The following EFEMP1 variants were observed in gnomAD, a reference collection of about 807,000 sequenced individuals.
EFEMP1 encodes the protein EGF-containing fibulin-like extracellular matrix protein 1.
EFEMP1 carries 18 observed loss-of-function variants against 65.7 expected under a neutral mutation model. The observed-to-expected ratio is 0.27, with a 90% CI of 0.19 to 0.41. The LOEUF (loss-of-function observed/expected upper bound fraction) is 0.41. EFEMP1 is among the 10% of genes least tolerant of loss of function. EFEMP1 has a pLI of 1.00. For synonymous variants in EFEMP1, 237 were observed against 219.7 expected (o/e 1.08, Z -0.70); for missense variants, 469 against 624.8 (o/e 0.75, Z 2.66).
Position 55,871,832 on chromosome 2 carries a change from T to G in EFEMP1, c.1001-709A>C, listed in dbSNP as rs1409687220. Reference sequence around the variant, plus strand: ...AAGTGAAACTATGAAGTGTTCCACCTCATAGAGCATAGCAATTTTAGGACT... The same window carrying G: ...AAGTGAAACTATGAAGTGTTCCACCGCATAGAGCATAGCAATTTTAGGACT... On this transcript the variant is annotated intron_variant, in intron 9 of 11. Transcript: ENST00000355426. The surrounding 1 kb of genome is among the most constrained non-coding windows in gnomAD (Gnocchi z 4.2). Among the ~76,000 whole-genome samples, 1 of 151,986 alleles carries G rather than the reference T, an allele frequency of 6.6e-6. No homozygotes were observed. The highest frequency in any genetic ancestry group is 1.5e-5 in the Non-Finnish European group (1 of 67,990).
chr2:55,889,719 T>A (rs1669560315), intron 5 of EFEMP1, among the ~76,000 whole-genome samples: 1 of 151,910 alleles, frequency 6.6e-6, no homozygotes, highest in Non-Finnish European at 1.5e-5. Flanking sequence ...TATTTTAAGG[T>A]CCTTGAATCA....
chr2:55,923,728 G>C lies in EFEMP1; in HGVS notation c.-66C>G. The C allele has an allele frequency of 2.0e-6, 2 of 985,730 alleles. No individual in the cohort carries two copies. The highest frequency in any genetic ancestry group is 2.4e-6 in the Non-Finnish European group (2 of 830,224). 61.1% of individuals were successfully genotyped at this position (985,730 alleles called of 1,614,324 possible). ...GCTCCTACCTGTGCGGCCGCGCTGCGCTCCGGGCCCGGGCAGCGAGGGGAG... is the reference window on the plus strand; with the variant it reads ...GCTCCTACCTGTGCGGCCGCGCTGCCCTCCGGGCCCGGGCAGCGAGGGGAG... On this transcript the variant is annotated 5_prime_UTR_variant, in exon 1 of 12. Coordinates refer to ENST00000355426, the MANE Select transcript of EFEMP1 (RefSeq NM_001039348.3). This position sits in a 1 kb window ranked among gnomAD's most constrained non-coding sequence, Gnocchi z 5.3.
chr2:55,896,247 C>G (rs946310412), intron 5 of EFEMP1, among the ~76,000 whole-genome samples: 2 of 152,316 alleles, frequency 1.3e-5, no homozygotes, highest in Admixed American at 6.5e-5. Context: ...CTTTGTCTTA[C>G]AAGATTAGGA....
Position 55,922,323 on chromosome 2 carries a change from C to T in EFEMP1, c.81+37G>A. The T allele has an allele frequency of 1.9e-6, 3 of 1,600,722 alleles. No individual in the cohort carries two copies. The highest frequency in any genetic ancestry group is 2.6e-6 in the Non-Finnish European group (3 of 1,168,114). On this transcript the variant is annotated intron_variant, in intron 3 of 11. Transcript: ENST00000355426. The surrounding 1 kb of genome is among the most constrained non-coding windows in gnomAD (Gnocchi z 5.5). The stretch of plus-strand genomic sequence containing the variant: ...AGTCTTTTTTTGTCACAGAATCCCG[C>T]TGAACCGTACTTATTTCAAATTCCA...
At chr2:55,898,069 T>A (rs535651613) in intron 5 of EFEMP1, among the ~76,000 whole-genome samples, 4,033 of 152,296 alleles carry the variant, frequency 0.026, 184 homozygotes, top group African/African-American at 0.092. Flanking sequence ...ACTTGCTCCA[T>A]ATTCCTTCAG....
At chr2:55,915,982 C>T (rs1005675427) in intron 5 of EFEMP1, among the ~76,000 whole-genome samples, 3 of 152,096 alleles carry the variant, frequency 2.0e-5, no homozygotes, top group Admixed American at 6.5e-5. Context: ...GAAACAGATG[C>T]TAATACGATG....
At chr2:55,918,502 C>T (rs1670794306) in intron 3 of EFEMP1, among the ~76,000 whole-genome samples, 1 of 151,904 alleles carries the variant, frequency 6.6e-6, no homozygotes, top group South Asian at 2.1e-4. Context: ...CTCTTCTGTT[C>T]TTTTTGGTAC....
rs1252954037 is a variant in EFEMP1 at position 55,877,699 on chromosome 2, G to A, written c.760+47C>T. ...TGGAAATACTGCAACATGGCATGGG[G>A]TTTCCTTTTGTGAAGACAGAAATCA... On this transcript the variant is annotated intron_variant, in intron 7 of 11. Transcript: ENST00000355426. The surrounding 1 kb of genome is among the most constrained non-coding windows in gnomAD (Gnocchi z 4.5). 1.2e-6 allele frequency: 2 copies of A among 1,611,230 alleles called. No homozygotes were observed. The highest frequency in any genetic ancestry group is 2.2e-5 in the East Asian group (1 of 44,768).
In EFEMP1 at chr2:55,909,640, G is replaced by A. The variant is rs540235635; in HGVS notation, c.517+8025C>T. On this transcript the variant is annotated intron_variant, in intron 5 of 11. Transcript: ENST00000355426. ...TCTCTCCCAAATGCCCCATTCCAGC[G>A]AGGAAACAGACTTTTGTCCTTAACC... Among the ~76,000 whole-genome samples, 10 of 152,242 alleles carry A rather than the reference G, an allele frequency of 6.6e-5. No homozygotes were observed. In the East Asian group the frequency reaches 1.3e-3, roughly 21 times the overall value.
rs989522126 is a variant in EFEMP1 at position 55,883,471 on chromosome 2, G to A, written c.518-1737C>T. ...TCGTTAATGCAGAAATGACAGCAGA[G>A]TATCTATTGTTTTATGTCAAGAACA... On this transcript the variant is annotated intron_variant, in intron 5 of 11. Coordinates refer to ENST00000355426, the MANE Select transcript of EFEMP1 (RefSeq NM_001039348.3). The surrounding 1 kb of genome is among the most constrained non-coding windows in gnomAD (Gnocchi z 4.5). Among the ~76,000 whole-genome samples, 1 of 152,174 alleles carries A rather than the reference G, an allele frequency of 6.6e-6. No homozygotes were observed. Among genetic ancestry groups the A allele is most frequent in the East Asian group, 1.9e-4 (1 of 5,190 alleles).
intron 11 of EFEMP1, among the ~76,000 whole-genome samples, chr2:55,869,371 A>G (rs1271619382): frequency 6.6e-6 from 1 of 152,192 alleles, no homozygotes; most frequent in South Asian, 2.1e-4. Context: ...AAATTCATTC[A>G]GTGGAAATTT....
chr2:55,887,928 T>C (rs35766452), intron 5 of EFEMP1, among the ~76,000 whole-genome samples: 6 of 152,334 alleles, frequency 3.9e-5, no homozygotes, highest in African/African-American at 7.2e-5. Flanking sequence ...TTTCTAGCAA[T>C]GATGACGGAT....
chr2:55,916,087 G>A (rs1670666740), intron 5 of EFEMP1, among the ~76,000 whole-genome samples: 1 of 150,706 alleles, frequency 6.6e-6, no homozygotes, highest in South Asian at 2.1e-4. Flanking sequence ...ATAAGAGTCA[G>A]AGCATGACAA....
intron 8 of EFEMP1, among the ~76,000 whole-genome samples, chr2:55,875,779 G>A (rs1669009717): frequency 6.6e-6 from 1 of 152,132 alleles, no homozygotes; most frequent in African/African-American, 2.4e-5. Context: ...CAGAATGACA[G>A]CTTGGCAGGA....
Position 55,875,365 on chromosome 2 carries a change from C to CACACACACACAT in EFEMP1, c.881-301_881-300insATGTGTGTGTGT, listed in dbSNP as rs1457478860. Among the ~76,000 whole-genome samples, 295 of 137,138 alleles carry CACACACACACAT rather than the reference C, an allele frequency of 2.2e-3. 1 individual carries two copies. The highest frequency in any genetic ancestry group is 0.014 in the East Asian group (69 of 4,908). The allele number at this position is 137,138 out of a possible 152,430, so 90.0% of individuals were successfully genotyped here. On this transcript the variant is annotated intron_variant, in intron 8 of 11. Coordinates refer to ENST00000355426, the MANE Select transcript of EFEMP1 (RefSeq NM_001039348.3). Reference sequence around the variant, plus strand: ...ACACACACACACACACACACACACACATATATATTTTTTTTGTTCTGCTCA... The same window carrying CACACACACACAT: ...ACACACACACACACACACACACACACACACACACACATATATATATTTTTTTTGTTCTGCTCA...
rs1325948509 is a variant in EFEMP1, at chr2:55,919,573, C to T, written c.82-1306G>A. ...AGAAAGTCACTGTAAGGAAGAAGCC[C>T]AAGGAAGGATTGAGCAAAAGTGGAG... On this transcript the variant is annotated intron_variant, in intron 3 of 11. Transcript: ENST00000355426. The surrounding 1 kb of genome is among the most constrained non-coding windows in gnomAD (Gnocchi z 4.5). 6.6e-6 allele frequency among the ~76,000 whole-genome samples: 1 copy of T among 152,090 alleles called. No homozygotes were observed. The highest frequency in any genetic ancestry group is 1.5e-5 in the Non-Finnish European group (1 of 68,016).
chr2:55,922,616 G>T lies in EFEMP1; in HGVS notation c.-7-169C>A. On this transcript the variant is annotated intron_variant, in intron 2 of 11. Coordinates refer to ENST00000355426, the MANE Select transcript of EFEMP1 (RefSeq NM_001039348.3). This position sits in a 1 kb window ranked among gnomAD's most constrained non-coding sequence, Gnocchi z 5.5. ...TCCCCTCCCCCTCCTGAACCTTCTCGGTAGCCAACGAACGAGGCAGCAAAG... is the reference window on the plus strand; with the variant it reads ...TCCCCTCCCCCTCCTGAACCTTCTCTGTAGCCAACGAACGAGGCAGCAAAG... 1.5e-6 allele frequency: 1 copy of T among 675,504 alleles called. No homozygotes were observed. The highest frequency in any genetic ancestry group is 1.6e-5 in the South Asian group (1 of 62,074). 41.8% of individuals were successfully genotyped at this position (675,504 alleles called of 1,614,324 possible).
rs58778229 is a variant in EFEMP1 at position 55,904,340 on chromosome 2, G to A, written c.517+13325C>T. 5.5e-4 allele frequency among the ~76,000 whole-genome samples: 84 copies of A among 152,318 alleles called. 1 individual carries two copies. The East Asian group carries it at 0.016, about 29-fold the overall frequency. ...ACCAAGTCATGAATTTTCAGCAATT[G>A]CTGTTACCCAGTTGTGATCTTTGTG... On this transcript the variant is annotated intron_variant, in intron 5 of 11. Transcript: ENST00000355426.
Position 55,870,586 on chromosome 2 carries a change from C to G in EFEMP1, c.1320+134G>C, listed in dbSNP as rs1668764741. 1 of 1,040,708 alleles carries G rather than the reference C, an allele frequency of 9.6e-7. No homozygotes were observed. Among genetic ancestry groups the G allele is most frequent in the African/African-American group, 1.6e-5 (1 of 63,334 alleles). 64.5% of individuals were successfully genotyped at this position (1,040,708 alleles called of 1,614,324 possible). ...AATAATGTAGCTGGAAGGCCTTACA[C>G]AATGCCTACACATAAGACACTTTAA... is the stretch of plus-strand genomic sequence containing the variant. On this transcript the variant is annotated intron_variant, in intron 11 of 11. Transcript: ENST00000355426. The surrounding 1 kb of genome is among the most constrained non-coding windows in gnomAD (Gnocchi z 5.8).
Sources: gnomAD v4.1 joint callset for allele counts (sites outside exome capture counted in the v4.1 genomes callset) on GRCh38, gnomAD v4.1.1 for gene constraint, Gnocchi (gnomAD v3.1) non-coding constraint, MANE v1.5 for transcripts, NCBI Gene and HGNC (gene_info 2026-07-23, HGNC 2026-07-21) for gene names.